DNAH2: variants seen among roughly 807,000 people sequenced by gnomAD.
The protein encoded by DNAH2 is axonemal beta dynein heavy chain 2.
In DNAH2, 323 loss-of-function variants were observed where a neutral mutation model predicts 523.5. The ratio of observed to expected loss-of-function variants is 0.62; its 90% CI spans 0.56 to 0.68. DNAH2 has a LOEUF of 0.68. Ranked by LOEUF, DNAH2 falls within the 30% of genes least tolerant of loss-of-function variation. The pLI is 0.00. For missense variants in DNAH2, 4,907 were observed against 5,701.5 expected (o/e 0.86, Z 4.49); for synonymous variants, 2,093 against 2,177.4 (o/e 0.96, Z 1.08).
chr17:7,761,677 G>A lies in DNAH2; in HGVS notation c.2978+745G>A, dbSNP rs996195795. On this transcript the variant is annotated intron_variant, in intron 18 of 85. Coordinates refer to ENST00000572933, the MANE Select transcript of DNAH2 (RefSeq NM_020877.5). ...TTTTTGTATTTTTAGTAGAGACAGG[G>A]TTTCACCATGTTGGCCAGGCTGGTC... Among the ~76,000 whole-genome samples, 10 of 152,050 alleles carry A rather than the reference G, an allele frequency of 6.6e-5. 1 individual carries two copies. The South Asian group carries it at 1.5e-3, about 22-fold the overall frequency.
Position 7,764,271 on chromosome 17 carries a change from A to G in DNAH2, c.3334A>G (p.Ser1112Gly). The G allele has an allele frequency of 3.1e-6, 5 of 1,599,664 alleles. No individual in the cohort carries two copies. The highest frequency in any genetic ancestry group is 4.3e-6 in the Non-Finnish European group (5 of 1,172,780). ...AAAGTACGAGGTGCCAGTCGAGGAC[A>G]GTGTGAGTTCCTTTGGTGTTTGGTT... ...LEKYEVPVED[S>G]VLEMLDSLNG... The change falls in exon 20 of 86, where the codon AGT becomes GGT. Residue 1112 changes from serine to glycine, a missense_variant and splice_region_variant. This residue lies in a region of DNAH2 where 2,806 missense variants were observed against 3,190.8 expected (regional missense o/e 0.88). Coordinates refer to ENST00000572933, the MANE Select transcript of DNAH2 (RefSeq NM_020877.5).
chr17:7,754,898 C>A lies in DNAH2; in HGVS notation c.1905-2193C>A. Reference sequence around the variant, plus strand: ...TGAGGACAGAAGGACAGGTGCCACCCACCCCGGGCTGCCGTCTGCATGGGG... The same window carrying A: ...TGAGGACAGAAGGACAGGTGCCACCAACCCCGGGCTGCCGTCTGCATGGGG... On this transcript the variant is annotated intron_variant, in intron 12 of 85. Transcript: ENST00000572933. This position sits in a 1 kb window ranked among gnomAD's most constrained non-coding sequence, Gnocchi z 4.6. The A allele has an allele frequency of 1.7e-6, 1 of 583,980 alleles. No homozygotes were observed. Among genetic ancestry groups the A allele is most frequent in the East Asian group, 2.7e-5 (1 of 37,170 alleles). 36.2% of individuals were successfully genotyped at this position (583,980 alleles called of 1,614,324 possible). A position where few individuals can be genotyped will look rare whatever the true frequency, so the allele number is the denominator to read the frequency against.
Position 7,718,649 on chromosome 17 carries a change from C to T in DNAH2, c.-165C>T, listed in dbSNP as rs929336360. 4.6e-5 allele frequency: 7 copies of T among 152,668 alleles called. No individual in the cohort carries two copies. Among genetic ancestry groups the T allele is most frequent in the African/African-American group, 1.7e-4 (7 of 41,448 alleles). 9.5% of individuals were successfully genotyped at this position (152,668 alleles called of 1,614,324 possible). On this transcript the variant is annotated 5_prime_UTR_variant, in exon 1 of 86. Coordinates refer to ENST00000572933, the MANE Select transcript of DNAH2 (RefSeq NM_020877.5). ...TGGATGACTTTTGTCCTTCTTTCTT[C>T]CAATCTGTTCTCAGGGCATTTTGAG... is the stretch of plus-strand genomic sequence containing the variant.
intron 74 of DNAH2, 77 bp downstream of exon 74, chr17:7,823,705 T>A: frequency 6.3e-7 from 1 of 1,582,254 alleles, no homozygotes; most frequent in Non-Finnish European, 8.6e-7. Flanking sequence ...CCCATTGTCC[T>A]CCATCCCCTC....
chr17:7,797,677 CAG>C lies in DNAH2; in HGVS notation c.8081-2_8081-1del. 1 of 1,614,066 alleles carries C rather than the reference CAG, an allele frequency of 6.2e-7. No individual in the cohort carries two copies. The highest frequency in any genetic ancestry group is 8.5e-7 in the Non-Finnish European group (1 of 1,180,016). On this transcript the variant is annotated splice_acceptor_variant, in intron 52 of 85. Coordinates refer to ENST00000572933, the MANE Select transcript of DNAH2 (RefSeq NM_020877.5). LOFTEE classifies it high-confidence loss of function. ...ACTCTGATCCCCTCTTCCCATGGCT[CAG>C]GGGATTTCCTGAAGGAGCCCAAGGT...
chr17:7,792,402 C>T, intron 46 of DNAH2, 59 bp downstream of exon 46: 1 of 1,551,272 alleles, frequency 6.4e-7, no homozygotes, highest in East Asian at 2.2e-5. Context: ...GGGGATGTGG[C>T]AAGAGAGATG....
chr17:7,743,317 C>G (rs1315543464), intron 12 of DNAH2, 175 bp downstream of exon 12: 1 of 738,324 alleles, frequency 1.4e-6, no homozygotes, highest in Admixed American at 2.0e-5. Context: ...CTCCCCACCT[C>G]CCACCCTGCT....
chr17:7,780,416 G>A lies in DNAH2; in HGVS notation c.5850+132G>A. 1.4e-6 allele frequency: 2 copies of A among 1,480,640 alleles called. No homozygotes were observed. Among genetic ancestry groups the A allele is most frequent in the Non-Finnish European group, 1.8e-6 (2 of 1,082,026 alleles). 91.7% of individuals were successfully genotyped at this position (1,480,640 alleles called of 1,614,324 possible). On this transcript the variant is annotated intron_variant, in intron 37 of 85. Transcript: ENST00000572933. This position sits in a 1 kb window ranked among gnomAD's most constrained non-coding sequence, Gnocchi z 4.4. ...ACTTAGACTATTGTCAGTAGGATGT[G>A]TGGGGAGAAAAATTTAGGGGAGGGA...
In DNAH2 at chr17:7,798,904, G is replaced by A. The variant is rs551445150; in HGVS notation, c.8559+186G>A. Among the ~76,000 whole-genome samples, 7 of 152,284 alleles carry A rather than the reference G, an allele frequency of 4.6e-5. No homozygotes were observed. Among genetic ancestry groups the A allele is most frequent in the African/African-American group, 1.4e-4 (6 of 41,562 alleles). ...TGGGCAGAGCTGCTTTAAAACCCAC[G>A]CTTCAGAGCCAGGCACAGTGGCTTG... On this transcript the variant is annotated intron_variant, in intron 55 of 85. Coordinates refer to ENST00000572933, the MANE Select transcript of DNAH2 (RefSeq NM_020877.5). This position sits in a 1 kb window ranked among gnomAD's most constrained non-coding sequence, Gnocchi z 5.5.
intron 53 of DNAH2, 152 bp downstream of exon 53, chr17:7,797,981 C>T: frequency 7.2e-7 from 1 of 1,385,270 alleles, no homozygotes; most frequent in Non-Finnish European, 9.7e-7. Context: ...GTGTGTTTAA[C>T]AGAGAAGGTG....
chr17:7,798,366 T>C lies in DNAH2; in HGVS notation c.8398+42T>C. On this transcript the variant is annotated intron_variant, in intron 54 of 85. Transcript: ENST00000572933. This position sits in a 1 kb window ranked among gnomAD's most constrained non-coding sequence, Gnocchi z 5.5. ...GAAATGCTAGGAATAAAAGATCAGA[T>C]GCATACATTCCTGCAGTGACAAGAG... is the stretch of plus-strand genomic sequence containing the variant. 6.3e-7 allele frequency: 1 copy of C among 1,581,662 alleles called. No individual in the cohort carries two copies. The highest frequency in any genetic ancestry group is 8.6e-7 in the Non-Finnish European group (1 of 1,161,940).
intron 2 of DNAH2, among the ~76,000 whole-genome samples, chr17:7,721,992 G>A (rs2074623217): frequency 6.6e-6 from 1 of 152,118 alleles, no homozygotes; most frequent in Non-Finnish European, 1.5e-5. Context: ...ACCCCAGTTA[G>A]TGTTTGTTTT....
rs1597659165 is a variant in DNAH2 at position 7,787,950 on chromosome 17, C to T, written c.6694C>T (p.Leu2232=). Residue 2232 remains leucine (L), a synonymous_variant, in exon 43 of 86, where the codon CTG becomes TTG. Transcript: ENST00000572933. ...CGMVYTDYAD[L]GWKPYVQSWL... is the part of the protein sequence containing the mutation. Reference sequence around the variant, plus strand: ...GATGGTCTACACTGACTACGCTGACCTGGGCTGGAAGCCCTATGTTCAGTC... The same window carrying T: ...GATGGTCTACACTGACTACGCTGACTTGGGCTGGAAGCCCTATGTTCAGTC... The T allele has an allele frequency of 6.2e-7, 1 of 1,614,104 alleles. No individual in the cohort carries two copies. Among genetic ancestry groups the T allele is most frequent in the African/African-American group, 1.3e-5 (1 of 74,932 alleles).
intron 58 of DNAH2, among the ~76,000 whole-genome samples, 164 bp from the exon 59 acceptor site, chr17:7,804,092 A>AT (rs2077296565): frequency 6.6e-6 from 1 of 152,144 alleles, no homozygotes; most frequent in Non-Finnish European, 1.5e-5. Flanking sequence ...GTTGGCAATG[A>AT]CCCAGGCAGG....
Position 7,798,033 on chromosome 17 carries a change from C to A in DNAH2, c.8231-124C>A. Reference sequence around the variant, plus strand: ...TTGCCTCCTGGGCCTTGGGCACCAACTTCTTCTCATACCTCTTGGTTCCTC... The same window carrying A: ...TTGCCTCCTGGGCCTTGGGCACCAAATTCTTCTCATACCTCTTGGTTCCTC... On this transcript the variant is annotated intron_variant, in intron 53 of 85. Transcript: ENST00000572933. This position sits in a 1 kb window ranked among gnomAD's most constrained non-coding sequence, Gnocchi z 5.5. 7.1e-7 allele frequency: 1 copy of A among 1,414,132 alleles called. No homozygotes were observed. The highest frequency in any genetic ancestry group is 1.4e-5 in the South Asian group (1 of 71,642). 87.6% of individuals were successfully genotyped at this position (1,414,132 alleles called of 1,614,324 possible). A position where few individuals can be genotyped will look rare whatever the true frequency, so the allele number is the denominator to read the frequency against.
intron 4 of DNAH2, among the ~76,000 whole-genome samples, chr17:7,728,365 C>T (rs761307921): frequency 6.6e-6 from 1 of 152,086 alleles, no homozygotes; most frequent in Non-Finnish European, 1.5e-5. Context: ...ATTGGCGGCA[C>T]ATATACAAAA....
At chr17:7,732,749 C>T (rs1439851061) in intron 4 of DNAH2, among the ~76,000 whole-genome samples, 63 of 152,090 alleles carry the variant, frequency 4.1e-4, no homozygotes, top group Non-Finnish European at 2.9e-5. Flanking sequence ...GGCTGAAGTG[C>T]TTCCTCCATT....
Position 7,817,378 on chromosome 17 carries a change from A to G in DNAH2, c.9983A>G (p.Tyr3328Cys). Reference sequence around the variant, plus strand: ...TACATGGGACCCTTCCTGACCAACTACCGGGATGAGATTGTCAACCAAATC... The same window carrying G: ...TACATGGGACCCTTCCTGACCAACTGCCGGGATGAGATTGTCAACCAAATC... ...LSYMGPFLTN[Y>C]RDEIVNQIWI... The change falls in exon 65 of 86, where the codon TAC becomes TGC. Residue 3328 changes from tyrosine (Y) to cysteine (C), a missense_variant. Transcript: ENST00000572933. 2 of 1,613,668 alleles carry G rather than the reference A, an allele frequency of 1.2e-6. No individual in the cohort carries two copies. The highest frequency in any genetic ancestry group is 1.3e-5 in the African/African-American group (1 of 74,946).
At chr17:7,778,963 A>G (rs1357437940) in intron 35 of DNAH2, among the ~76,000 whole-genome samples, 2 of 152,214 alleles carry the variant, frequency 1.3e-5, no homozygotes, top group Admixed American at 1.3e-4. Context: ...ATTAAAGAAA[A>G]TAATGTGTGT....
Sources: allele counts gnomAD v4.1 joint callset (sites outside exome capture counted in the v4.1 genomes callset), GRCh38; gene constraint gnomAD v4.1.1; regional missense constraint gnomAD v4.1.1; non-coding constraint Gnocchi (gnomAD v3.1); transcripts MANE v1.5; gene names NCBI Gene and HGNC (gene_info 2026-07-23, HGNC 2026-07-21).